The following TNFSF13B variants were observed in gnomAD, a reference collection of about 807,000 sequenced individuals.
The protein encoded by TNFSF13B is tumor necrosis factor ligand superfamily member 13B.
TNFSF13B carries 8 observed loss-of-function variants against 29.1 expected under a neutral mutation model. The observed-to-expected ratio is 0.27, with a 90% CI of 0.16 to 0.50. The LOEUF is 0.50. TNFSF13B is among the 20% of genes least tolerant of loss of function. The pLI, the probability that TNFSF13B is intolerant of heterozygous loss-of-function variation, is 0.98. For missense variants in TNFSF13B, 248 were observed against 334.9 expected, an observed-to-expected ratio of 0.74 and a Z score of 2.03; for synonymous variants, 125 against 130.8, an observed-to-expected ratio of 0.96 and a Z score of 0.30.
chr13:108,271,444 TCA>T (rs59438208), intron 2 of TNFSF13B, among the ~76,000 whole-genome samples: 19,637 of 142,652 alleles, frequency 0.14, 1,338 homozygotes, highest in East Asian at 0.18. Context: ...GACCCTTCTA[TCA>T]CACACACACA....
chr13:108,294,439 C>T (rs1306519086), intron 3 of TNFSF13B, among the ~76,000 whole-genome samples: 1 of 152,090 alleles, frequency 6.6e-6, no homozygotes, highest in Non-Finnish European at 1.5e-5. Flanking sequence ...CTCAGCCTCC[C>T]AAAGTGTTAG....
At chr13:108,283,196 A>G (rs751256204) in intron 2 of TNFSF13B, among the ~76,000 whole-genome samples, 32 of 152,246 alleles carry the variant, frequency 2.1e-4, no homozygotes, top group Admixed American at 4.6e-4. Context: ...AATAGCTGAA[A>G]TAGTTGAAAT....
chr13:108,303,034 T>C (rs1389621822), intron 3 of TNFSF13B: 2 of 509,196 alleles, frequency 3.9e-6, no homozygotes, highest in Non-Finnish European at 6.4e-6. Context: ...CTCAGGTTCT[T>C]GTATCTGATA....
rs531893835 is a variant in TNFSF13B, at chr13:108,300,851, A to G, written c.482-2402A>G. On this transcript the variant is annotated intron_variant, in intron 3 of 5. Coordinates refer to ENST00000375887, the MANE Select transcript of TNFSF13B (RefSeq NM_006573.5). ...CACAGGCCGACAAGAACATGTGCTG[A>G]AGAAGACCTGGGAAGTTTCTTGATC... is the stretch of plus-strand genomic sequence containing the variant. Among the ~76,000 whole-genome samples the G allele has an allele frequency of 1.8e-4, 27 of 152,332 alleles. No individual in the cohort carries two copies. In the South Asian group the frequency reaches 2.5e-3, roughly 14 times the overall value.
At chr13:108,278,592 CTT>C (rs1880827781) in intron 2 of TNFSF13B, among the ~76,000 whole-genome samples, 1 of 126,994 alleles carries the variant, frequency 7.9e-6, no homozygotes, top group Admixed American at 7.7e-5. Context: ...TCCTCCTCCC[CTT>C]CTCTTCCTCC....
intron 2 of TNFSF13B, among the ~76,000 whole-genome samples, chr13:108,280,095 T>C (rs1458490112): frequency 2.0e-5 from 3 of 150,704 alleles, no homozygotes; most frequent in East Asian, 3.9e-4. Flanking sequence ...TTTGCTGTTC[T>C]TAGCACAACA....
intron 3 of TNFSF13B, among the ~76,000 whole-genome samples, chr13:108,287,921 G>A (rs1229194764): frequency 6.6e-6 from 1 of 152,124 alleles, no homozygotes; most frequent in Non-Finnish European, 1.5e-5. Flanking sequence ...CACCTAGAAT[G>A]TTAATCCAGA....
At chr13:108,296,870 G>GTTGT (rs1352228752) in intron 3 of TNFSF13B, among the ~76,000 whole-genome samples, 1 of 145,140 alleles carries the variant, frequency 6.9e-6, no homozygotes, top group African/African-American at 2.6e-5. Context: ...TCTCTCTTAT[G>GTTGT]TTGTTATTGT....
At chr13:108,279,756 A>G (rs1880879165) in intron 2 of TNFSF13B, among the ~76,000 whole-genome samples, 1 of 152,230 alleles carries the variant, frequency 6.6e-6, no homozygotes, top group South Asian at 2.1e-4. Context: ...ATTGTCAAGA[A>G]TGGTGAGGTA....
chr13:108,292,632 G>A (rs531375443), intron 3 of TNFSF13B, among the ~76,000 whole-genome samples: 24 of 151,936 alleles, frequency 1.6e-4, no homozygotes, highest in African/African-American at 5.8e-4. Context: ...CTTCCTACTG[G>A]GTGTGAAGCC....
At position 108,269,892 on chromosome 13, in the gene TNFSF13B, T is replaced by C. The variant is rs770674157; in HGVS notation, c.-4T>C. The C allele has an allele frequency of 6.3e-7, 1 of 1,595,834 alleles. No individual in the cohort carries two copies. The highest frequency in any genetic ancestry group is 1.7e-5 in the Admixed American group (1 of 57,192). ...GCCCCAACCTTCAAAGTTCAAGTAGTGATATGGATGACTCCACAGAAAGGG... is the reference window on the plus strand; with the variant it reads ...GCCCCAACCTTCAAAGTTCAAGTAGCGATATGGATGACTCCACAGAAAGGG... On this transcript the variant is annotated 5_prime_UTR_variant, in exon 1 of 6. Transcript: ENST00000375887.
chr13:108,279,500 A>G (rs1244361681), intron 2 of TNFSF13B, among the ~76,000 whole-genome samples: 2 of 152,228 alleles, frequency 1.3e-5, no homozygotes, highest in Non-Finnish European at 2.9e-5. Context: ...AGCATGGAAG[A>G]TGACCTCTCA....
chr13:108,305,708 G>A (rs1303702544), intron 5 of TNFSF13B, among the ~76,000 whole-genome samples: 1 of 152,040 alleles, frequency 6.6e-6, no homozygotes. Context: ...CTTGTATTCT[G>A]TCTTTGCCCA....
At chr13:108,272,681 AC>A (rs1880652845) in intron 2 of TNFSF13B, among the ~76,000 whole-genome samples, 1 of 150,406 alleles carries the variant, frequency 6.6e-6, no homozygotes, top group Non-Finnish European at 1.5e-5. Flanking sequence ...TCTATTTGAG[AC>A]TCTTTTTTTT....
In TNFSF13B at chr13:108,270,217, G is replaced by A. The variant is rs370130772; in HGVS notation, c.322G>A (p.Val108Ile). The change falls in exon 1 of 6, where the codon GTC (valine) becomes ATC (isoleucine). Residue 108 changes from valine to isoleucine, a missense_variant. Physicochemically the swap from Val to Ile is conservative, Grantham distance 29. This residue lies in a region of TNFSF13B where 186 missense variants were observed against 196.3 expected (regional missense o/e 0.95). Transcript: ENST00000375887. ...PKAGLEEAPA[V>I]TAGLKIFEPP... ...GGCCGGCCTGGAGGAAGCTCCAGCT[G>A]TCACCGCGGGACTGAAAGTGAGTTT... 1.7e-5 allele frequency: 27 copies of A among 1,604,456 alleles called. No homozygotes were observed. The highest frequency in any genetic ancestry group is 2.2e-5 in the Non-Finnish European group (26 of 1,178,214).
chr13:108,302,994 A>G (rs1881668505), intron 3 of TNFSF13B: 3 of 486,742 alleles, frequency 6.2e-6, no homozygotes, highest in Non-Finnish European at 9.2e-6. Context: ...AATAAAGGGA[A>G]AACCCAGACA....
At chr13:108,286,773 T>A in intron 2 of TNFSF13B, 30 bp from the exon 3 acceptor site, 1 of 1,504,326 alleles carries the variant, frequency 6.6e-7, no homozygotes, top group African/African-American at 1.4e-5. Context: ...TCTACTCAAG[T>A]AACTAAAATG....
At chr13:108,278,710 T>G (rs1880845763) in intron 2 of TNFSF13B, among the ~76,000 whole-genome samples, 1 of 142,840 alleles carries the variant, frequency 7.0e-6, no homozygotes, top group Non-Finnish European at 1.5e-5. Context: ...CCTCCTCCCC[T>G]TCTCTTCCTC....
chr13:108,294,964 T>C (rs960661569), intron 3 of TNFSF13B, among the ~76,000 whole-genome samples: 1 of 145,320 alleles, frequency 6.9e-6, no homozygotes, highest in Admixed American at 6.8e-5. Flanking sequence ...ATTTGTCCCA[T>C]TTGTCTACAT....
Sources: allele counts gnomAD v4.1 joint callset (sites outside exome capture counted in the v4.1 genomes callset), GRCh38; gene constraint gnomAD v4.1.1; regional missense constraint gnomAD v4.1.1; transcripts MANE v1.5; gene names NCBI Gene and HGNC (gene_info 2026-07-23, HGNC 2026-07-21).